The following IMMP2L variants were observed in gnomAD, a reference collection of about 807,000 sequenced individuals.
IMMP2L encodes the protein mitochondrial inner membrane protease subunit 2.
In IMMP2L, 18 loss-of-function variants were observed where a neutral mutation model predicts 19.3. The observed-to-expected ratio is 0.93, with a 90% CI of 0.64 to 1.38. The LOEUF is 1.38. Among genes scored for constraint, IMMP2L ranks in the 40% most tolerant of loss-of-function variants. IMMP2L has a pLI of 0.00. For synonymous variants in IMMP2L, 76 were observed against 73.0 expected, an observed-to-expected ratio of 1.04 and a Z score of -0.21; for missense variants, 233 against 218.2, an observed-to-expected ratio of 1.07 and a Z score of -0.43.
chr7:111,440,870 A>G (rs1468757459), intron 3 of IMMP2L, among the ~76,000 whole-genome samples: 1 of 151,874 alleles, frequency 6.6e-6, no homozygotes, highest in Non-Finnish European at 1.5e-5. Context: ...TGGATCTTCT[A>G]GGTAACTTGC....
In IMMP2L at chr7:111,527,432, G is replaced by A. The variant is rs985404439; in HGVS notation, c.-2-5983C>T. Among the ~76,000 whole-genome samples, 69 of 136,572 alleles carry A rather than the reference G, an allele frequency of 5.1e-4. 2 individuals carry two copies. The highest frequency in any genetic ancestry group is 1.0e-3 in the Non-Finnish European group (63 of 62,648). 89.6% of individuals were successfully genotyped at this position (136,572 alleles called of 152,430 possible). On this transcript the variant is annotated intron_variant, in intron 1 of 5. Coordinates refer to ENST00000405709, the MANE Select transcript of IMMP2L (RefSeq NM_032549.4). ...ACCCTGTCTCCAAAAAGGGGGGGGG[G>A]GTAGATTTAATATCTAAGGTTCTTT...
At chr7:111,252,243 AG>A (rs1321066941) in intron 3 of IMMP2L, among the ~76,000 whole-genome samples, 10 of 152,164 alleles carry the variant, frequency 6.6e-5, no homozygotes, top group African/African-American at 2.4e-4. Flanking sequence ...TATGAAATGT[AG>A]GCATCATCAA....
intron 3 of IMMP2L, among the ~76,000 whole-genome samples, chr7:111,191,916 G>A (rs1489618437): frequency 3.3e-5 from 5 of 152,082 alleles, no homozygotes; most frequent in South Asian, 2.1e-4. Flanking sequence ...TGTAGTAGAC[G>A]CAGGTGAGAG....
At chr7:111,434,084 T>C (rs1460702725) in intron 3 of IMMP2L, among the ~76,000 whole-genome samples, 1 of 151,724 alleles carries the variant, frequency 6.6e-6, no homozygotes, top group African/African-American at 2.4e-5. Context: ...ATGGTACAGG[T>C]ATAAAAGTAG....
chr7:111,293,871 C>A (rs1237925014), intron 3 of IMMP2L, among the ~76,000 whole-genome samples: 1 of 151,864 alleles, frequency 6.6e-6, no homozygotes, highest in East Asian at 1.9e-4. Context: ...GAATGATACT[C>A]AGGAATACAT....
intron 3 of IMMP2L, among the ~76,000 whole-genome samples, chr7:111,484,937 A>G (rs1046957015): frequency 1.3e-5 from 2 of 151,964 alleles, no homozygotes; most frequent in Non-Finnish European, 2.9e-5. Flanking sequence ...ACAGGCACGC[A>G]TCACCAAACC....
At chr7:111,028,766 C>T (rs1214674459) in intron 3 of IMMP2L, among the ~76,000 whole-genome samples, 1 of 152,046 alleles carries the variant, frequency 6.6e-6, no homozygotes, top group Non-Finnish European at 1.5e-5. Context: ...TAATATCACA[C>T]TATGTTGCTA....
chr7:110,900,947 C>T (rs909658474), intron 4 of IMMP2L, among the ~76,000 whole-genome samples: 1 of 152,000 alleles, frequency 6.6e-6, no homozygotes, highest in African/African-American at 2.4e-5. Context: ...CCACACTGGC[C>T]TTTTCAATGT....
intron 3 of IMMP2L, chr7:111,122,881 A>G: frequency 6.2e-7 from 1 of 1,614,032 alleles, no homozygotes; most frequent in Non-Finnish European, 8.5e-7. Flanking sequence ...TACGTGTGAA[A>G]TCAGGCCTTG....
intron 2 of IMMP2L, among the ~76,000 whole-genome samples, chr7:111,500,580 C>G (rs1326057266): frequency 1.3e-5 from 2 of 152,162 alleles, no homozygotes; most frequent in Non-Finnish European, 2.9e-5. Flanking sequence ...TGACACCTCA[C>G]ATGGCCGGGT....
In IMMP2L at chr7:110,846,348, C is replaced by CTT. The variant is rs919194286; in HGVS notation, c.408+40243_408+40244dup. ...CACAGCGTCTCTCCAACCCTGATTT[C>CTT]TTTTTTTTTTTTTTTTTTTTGTTGT... On this transcript the variant is annotated intron_variant, in intron 5 of 5. Transcript: ENST00000405709. 7.8e-3 allele frequency among the ~76,000 whole-genome samples: 989 copies of CTT among 126,322 alleles called. 17 individuals are homozygous for CTT. The highest frequency in any genetic ancestry group is 0.028 in the African/African-American group (922 of 33,374). The allele number at this position is 126,322 out of a possible 152,430, so 82.9% of individuals were successfully genotyped here.
chr7:111,238,754 A>G (rs1814641708), intron 3 of IMMP2L, among the ~76,000 whole-genome samples: 1 of 151,982 alleles, frequency 6.6e-6, no homozygotes, highest in Admixed American at 6.6e-5. Context: ...TTTTTTGATA[A>G]TTTGGAATAG....
rs190783724 is a variant in IMMP2L at position 111,122,888 on chromosome 7, C to T, written c.240-159323G>A. The T allele has an allele frequency of 5.6e-6, 9 of 1,614,004 alleles. No individual in the cohort carries two copies. The African/African-American group carries it at 9.3e-5, about 17-fold the overall frequency. ...CGGTTATGTACGTGTGAAATCAGGC[C>T]TTGGTTTACACCCAGATCCATTTAT... On this transcript the variant is annotated intron_variant, in intron 3 of 5. Coordinates refer to ENST00000405709, the MANE Select transcript of IMMP2L (RefSeq NM_032549.4).
intron 3 of IMMP2L, among the ~76,000 whole-genome samples, chr7:111,309,962 CG>C (rs1352070529): frequency 6.6e-6 from 1 of 152,006 alleles, no homozygotes; most frequent in East Asian, 1.9e-4. Flanking sequence ...TGGCCGGGCA[CG>C]GTGGCTCACA....
intron 3 of IMMP2L, among the ~76,000 whole-genome samples, chr7:110,991,607 AC>A: frequency 6.6e-6 from 1 of 152,184 alleles, no homozygotes; most frequent in Non-Finnish European, 1.5e-5. Context: ...TTGTCTCCAG[AC>A]CCAGACCAAC....
chr7:110,731,843 C>T (rs1208808815), intron 5 of IMMP2L, among the ~76,000 whole-genome samples: 1 of 152,110 alleles, frequency 6.6e-6, no homozygotes, highest in Non-Finnish European at 1.5e-5. Flanking sequence ...ATTAATCATT[C>T]CATACTTACT....
intron 1 of IMMP2L, among the ~76,000 whole-genome samples, chr7:111,544,765 A>G (rs1406617451): frequency 6.6e-6 from 1 of 151,992 alleles, no homozygotes; most frequent in East Asian, 1.9e-4. Context: ...TACATTCAAC[A>G]TGTATAAAAA....
intron 3 of IMMP2L, among the ~76,000 whole-genome samples, chr7:111,086,645 A>C (rs138340569): frequency 6.6e-6 from 1 of 152,226 alleles, no homozygotes; most frequent in Non-Finnish European, 1.5e-5. Flanking sequence ...ATTGAGAACT[A>C]ATCTGTTATT....
At chr7:111,364,329 T>C (rs936657475) in intron 3 of IMMP2L, among the ~76,000 whole-genome samples, 4 of 152,114 alleles carry the variant, frequency 2.6e-5, no homozygotes, top group Non-Finnish European at 5.9e-5. Flanking sequence ...TTACTTTTAT[T>C]TTGGTTTAAA....
Sources: allele counts gnomAD v4.1 joint callset (sites outside exome capture counted in the v4.1 genomes callset), GRCh38; gene constraint gnomAD v4.1.1; transcripts MANE v1.5; gene names NCBI Gene and HGNC (gene_info 2026-07-23, HGNC 2026-07-21).